TBC1D4: variants seen among roughly 807,000 people sequenced by gnomAD.
TBC1D4 encodes the protein TBC (Tre-2, BUB2, CDC16) domain-containing protein.
In TBC1D4, 121 loss-of-function variants were observed where a neutral mutation model predicts 142.5. The observed-to-expected ratio is 0.85, with a 90% CI of 0.73 to 0.99. The LOEUF (loss-of-function observed/expected upper bound fraction) is 0.99. Ranked by LOEUF, TBC1D4 falls within the 50% of genes least tolerant of loss-of-function variation. The pLI is 0.00. For missense variants in TBC1D4, 1,475 were observed against 1,606.6 expected (o/e 0.92, Z 1.40); for synonymous variants, 630 against 628.2 (o/e 1.00, Z -0.04).
chr13:75,287,715 G>C (rs149436543), intron 20 of TBC1D4, among the ~76,000 whole-genome samples: 2 of 152,162 alleles, frequency 1.3e-5, no homozygotes, highest in Non-Finnish European at 2.9e-5. Context: ...AAGACAAAGC[G>C]AAGGAAGTTT....
rs774895851 is a variant in TBC1D4 at position 75,302,270 on chromosome 13, G to A, written c.2884C>T (p.Gln962Ter). The change falls in exon 16 of 21, where the codon CAG (glutamine) becomes TAG (stop). Residue 962 changes from glutamine to a stop codon, truncating the protein, a stop_gained. Transcript: ENST00000377636. LOFTEE classifies it high-confidence loss of function. Reference protein sequence around the residue: ...YKELLKQLTAQQHAILVDLGR... With the variant: ...YKELLKQLTA ...AAATCCACGAGAATCGCATGCTGCT[G>A]AGCAGTGAGCTGCTTCAAAAGTTCC... is the stretch of plus-strand genomic sequence containing the variant. The A allele has an allele frequency of 6.2e-7, 1 of 1,614,184 alleles. No individual in the cohort carries two copies. Among genetic ancestry groups the A allele is most frequent in the Non-Finnish European group, 8.5e-7 (1 of 1,180,030 alleles).
At chr13:75,428,068 T>C (rs2138148278) in intron 1 of TBC1D4, among the ~76,000 whole-genome samples, 1 of 152,296 alleles carries the variant, frequency 6.6e-6, no homozygotes, top group Non-Finnish European at 1.5e-5. Flanking sequence ...GAAGCAAACA[T>C]TGAATATCTG....
At chr13:75,295,270 A>G (rs1875791507) in intron 17 of TBC1D4, among the ~76,000 whole-genome samples, 1 of 152,180 alleles carries the variant, frequency 6.6e-6, no homozygotes, top group Non-Finnish European at 1.5e-5. Context: ...ACATACATAC[A>G]AAGAAATGGA....
chr13:75,335,239 A>C (rs1880098092), intron 8 of TBC1D4, among the ~76,000 whole-genome samples: 1 of 152,082 alleles, frequency 6.6e-6, no homozygotes, highest in Non-Finnish European at 1.5e-5. Context: ...CACACCCTGC[A>C]TCGGGCCATC....
At chr13:75,469,534 G>A (rs1369115828) in intron 1 of TBC1D4, among the ~76,000 whole-genome samples, 1 of 152,178 alleles carries the variant, frequency 6.6e-6, no homozygotes, top group Non-Finnish European at 1.5e-5. Flanking sequence ...ACTTTAGGGG[G>A]CTGAAGCAAG....
chr13:75,465,544 C>A (rs1888132455), intron 1 of TBC1D4, among the ~76,000 whole-genome samples: 1 of 152,156 alleles, frequency 6.6e-6, no homozygotes, highest in Non-Finnish European at 1.5e-5. Context: ...TGGTTCCAGT[C>A]TGGCTTCTCA....
chr13:75,388,757 C>T (rs1301499990), intron 1 of TBC1D4, among the ~76,000 whole-genome samples: 1 of 152,198 alleles, frequency 6.6e-6, no homozygotes, highest in African/African-American at 2.4e-5. Context: ...GTTCTTCAAA[C>T]CACACTTGAG....
At chr13:75,291,699 C>T (rs1189663425) in intron 19 of TBC1D4, among the ~76,000 whole-genome samples, 2 of 152,162 alleles carry the variant, frequency 1.3e-5, no homozygotes, top group Non-Finnish European at 2.9e-5. Flanking sequence ...AATTAAAAAG[C>T]CAGAAGTAGA....
chr13:75,464,712 A>C (rs1014857436), intron 1 of TBC1D4, among the ~76,000 whole-genome samples: 4 of 152,204 alleles, frequency 2.6e-5, no homozygotes, highest in African/African-American at 9.7e-5. Context: ...ATTGGCACAA[A>C]CTGAGACACA....
At chr13:75,316,816 T>C (rs1566371653) in intron 12 of TBC1D4, among the ~76,000 whole-genome samples, 1 of 152,216 alleles carries the variant, frequency 6.6e-6, no homozygotes, top group African/African-American at 2.4e-5. Context: ...TTGTTTTTAT[T>C]ACAACATTAG....
At position 75,395,551 on chromosome 13, in the gene TBC1D4, C is replaced by T. The variant is rs189659477; in HGVS notation, c.499-32944G>A. Among the ~76,000 whole-genome samples the T allele has an allele frequency of 1.9e-3, 288 of 152,308 alleles. 3 individuals are homozygous for T. The highest frequency in any genetic ancestry group is 6.6e-3 in the African/African-American group (274 of 41,564). ...CCAACAGTGAAAATAAATGATACGGCTAGGCACGGTGGCTCACGCCTGTAA... is the reference window on the plus strand; with the variant it reads ...CCAACAGTGAAAATAAATGATACGGTTAGGCACGGTGGCTCACGCCTGTAA... On this transcript the variant is annotated intron_variant, in intron 1 of 20. Coordinates refer to ENST00000377636, the MANE Select transcript of TBC1D4 (RefSeq NM_014832.5).
intron 5 of TBC1D4, among the ~76,000 whole-genome samples, chr13:75,342,417 A>G (rs1478756604): frequency 6.6e-6 from 1 of 152,222 alleles, no homozygotes. Context: ...AATAATATTA[A>G]AAGGCAAGAC....
intron 1 of TBC1D4, among the ~76,000 whole-genome samples, chr13:75,376,902 G>A (rs982799240): frequency 2.0e-5 from 3 of 151,844 alleles, no homozygotes; most frequent in African/African-American, 4.8e-5. Flanking sequence ...CATTCCAATA[G>A]GCCAAACACA....
intron 1 of TBC1D4, among the ~76,000 whole-genome samples, chr13:75,451,601 G>T (rs1448382152): frequency 1.3e-5 from 2 of 150,210 alleles, no homozygotes; most frequent in Non-Finnish European, 3.0e-5. Flanking sequence ...GATCCCTTGA[G>T]CCCAGGAGTT....
At position 75,362,113 on chromosome 13, in the gene TBC1D4, C is replaced by A. The variant is rs1882573395; in HGVS notation, c.993G>T (p.Gln331His). The A allele has an allele frequency of 4.3e-6, 7 of 1,613,988 alleles. No homozygotes were observed. The highest frequency in any genetic ancestry group is 1.3e-5 in the African/African-American group (1 of 75,024). Residue 331 changes from glutamine to histidine, a missense_variant, in exon 2 of 21, where the codon CAG (glutamine) becomes CAT (histidine). Gln to His is a conservative substitution (Grantham distance 24). This residue lies in a region of TBC1D4 where 1,227 missense variants were observed against 1,267.7 expected (regional missense o/e 0.97). Coordinates refer to ENST00000377636, the MANE Select transcript of TBC1D4 (RefSeq NM_014832.5). The surrounding 1 kb of genome is among the most constrained non-coding windows in gnomAD (Gnocchi z 4.2). ...GVQRRVHEGS[Q>H]KSQPRRRHAS... ...CGTGTCTCCGTCGCGGCTGGGATTT[C>A]TGGCTGCCCTCGTGAACTCTCCGTT... is the stretch of plus-strand genomic sequence containing the variant.
chr13:75,418,250 A>G (rs1593864857), intron 1 of TBC1D4, among the ~76,000 whole-genome samples: 1 of 152,206 alleles, frequency 6.6e-6, no homozygotes. Context: ...TGAGTATGCC[A>G]TGGTATTTAT....
intron 1 of TBC1D4, among the ~76,000 whole-genome samples, chr13:75,363,220 T>C (rs925700392): frequency 2.0e-5 from 3 of 152,184 alleles, no homozygotes; most frequent in Non-Finnish European, 4.4e-5. Flanking sequence ...GAGTTAAATA[T>C]AGACCTACTT....
In TBC1D4 at chr13:75,445,127, G is replaced by A. The variant is rs772727865; in HGVS notation, c.498+36143C>T. ...CCATGCTTTTTCCTCATACTACACCGAAACTGGAATTTTCTAATAATATCA... is the reference window on the plus strand; with the variant it reads ...CCATGCTTTTTCCTCATACTACACCAAAACTGGAATTTTCTAATAATATCA... On this transcript the variant is annotated intron_variant, in intron 1 of 20. Coordinates refer to ENST00000377636, the MANE Select transcript of TBC1D4 (RefSeq NM_014832.5). 1.7e-4 allele frequency among the ~76,000 whole-genome samples: 26 copies of A among 152,098 alleles called. 1 individual carries two copies. Among genetic ancestry groups the A allele is most frequent in the African/African-American group, 4.1e-4 (17 of 41,378 alleles).
intron 17 of TBC1D4, among the ~76,000 whole-genome samples, chr13:75,296,717 G>GA (rs1267524817): frequency 6.6e-6 from 1 of 151,482 alleles, no homozygotes; most frequent in African/African-American, 2.4e-5. Context: ...GAGAGAAGAT[G>GA]AAAAAAAAGT....
Sources: allele counts gnomAD v4.1 joint callset (sites outside exome capture counted in the v4.1 genomes callset), GRCh38; gene constraint gnomAD v4.1.1; regional missense constraint gnomAD v4.1.1; non-coding constraint Gnocchi (gnomAD v3.1); transcripts MANE v1.5; gene names NCBI Gene and HGNC (gene_info 2026-07-23, HGNC 2026-07-21).